The following KALRN variants were observed in gnomAD, a reference collection of about 807,000 sequenced individuals.
KALRN encodes the protein kalirin.
Under a neutral mutation model 353.7 loss-of-function variants are expected in KALRN, and 70 were observed. That is an observed-to-expected ratio of 0.20 (90% CI 0.16 to 0.24). The LOEUF is 0.24. Ranked by LOEUF, KALRN falls within the 10% of genes least tolerant of loss-of-function variation. The pLI, the probability that KALRN is intolerant of heterozygous loss-of-function variation, is 1.00. For missense variants in KALRN, 2,791 were observed against 3,756.7 expected, an observed-to-expected ratio of 0.74 and a Z score of 6.72; for synonymous variants, 1,391 against 1,434.8, an observed-to-expected ratio of 0.97 and a Z score of 0.69.
chr3:124,072,539 G>T (rs981740317), intron 1 of KALRN, among the ~76,000 whole-genome samples: 1 of 152,130 alleles, frequency 6.6e-6, no homozygotes, highest in South Asian at 2.1e-4. Flanking sequence ...TTTCCTGGAG[G>T]TAACAGTGAA....
intron 1 of KALRN, among the ~76,000 whole-genome samples, chr3:124,214,296 T>A (rs1257293415): frequency 2.0e-5 from 3 of 152,336 alleles, no homozygotes; most frequent in African/African-American, 7.2e-5. Flanking sequence ...ATTTAATGCA[T>A]ATTTAATGAA....
chr3:124,629,700 T>C (rs1381701469), intron 34 of KALRN, among the ~76,000 whole-genome samples: 1 of 152,270 alleles, frequency 6.6e-6, no homozygotes, highest in Admixed American at 6.5e-5. Flanking sequence ...CTCTGCTTAC[T>C]TGTCAGCTAA....
At chr3:124,367,066 C>T (rs1294239933) in intron 10 of KALRN, among the ~76,000 whole-genome samples, 1 of 132,236 alleles carries the variant, frequency 7.6e-6, no homozygotes, top group Non-Finnish European at 1.7e-5. Flanking sequence ...GGGGGCTGAC[C>T]CCCCCACCTC....
intron 11 of KALRN, among the ~76,000 whole-genome samples, chr3:124,386,797 C>A (rs921763396): frequency 2.6e-5 from 4 of 152,166 alleles, no homozygotes; most frequent in Admixed American, 6.5e-5. Context: ...TTATTGTAAG[C>A]ACTCAAAATA....
chr3:124,149,887 C>T (rs914963152), intron 1 of KALRN, among the ~76,000 whole-genome samples: 62 of 152,162 alleles, frequency 4.1e-4, no homozygotes, highest in Non-Finnish European at 2.5e-4. Flanking sequence ...AGCCGGGTTC[C>T]GTTTTGCTAG....
At chr3:124,242,176 G>A (rs1032268773) in intron 3 of KALRN, among the ~76,000 whole-genome samples, 7 of 152,148 alleles carry the variant, frequency 4.6e-5, no homozygotes, top group Non-Finnish European at 1.0e-4. Flanking sequence ...TGGAAGAGAA[G>A]GCTAGGCAAT....
At chr3:124,328,395 G>A (rs1355494248) in intron 7 of KALRN, among the ~76,000 whole-genome samples, 3 of 152,156 alleles carry the variant, frequency 2.0e-5, no homozygotes. Flanking sequence ...TTATCTCCTT[G>A]AGGTGATCGT....
intron 1 of KALRN, among the ~76,000 whole-genome samples, chr3:124,188,496 C>G (rs1366446852): frequency 6.6e-6 from 1 of 152,178 alleles, no homozygotes; most frequent in African/African-American, 2.4e-5. Flanking sequence ...AAATTGGTGT[C>G]TAGCACCCAG....
rs1302921874 is a variant in KALRN at position 124,671,682 on chromosome 3, T to C, written c.6726T>C (p.Tyr2242=). 1.2e-6 allele frequency: 2 copies of C among 1,613,848 alleles called. No homozygotes were observed. The highest frequency in any genetic ancestry group is 1.7e-6 in the Non-Finnish European group (2 of 1,179,908). ...CAGCACTGCAATCGCCCATTGAGTA[T>C]CAACGGAAAGAAAGGAGCACAGCTG... ...FLNALQSPIE[Y]QRKERSTAVM... Residue 2242 remains tyrosine (Y), a synonymous_variant, in exon 48 of 60, where the codon TAT becomes TAC. Coordinates refer to ENST00000682506, the MANE Select transcript of KALRN (RefSeq NM_001388419.1).
At chr3:124,258,483 C>T (rs1251723360) in intron 3 of KALRN, among the ~76,000 whole-genome samples, 1 of 152,170 alleles carries the variant, frequency 6.6e-6, no homozygotes, top group Non-Finnish European at 1.5e-5. Context: ...ATTTTTTCCT[C>T]AGGGTCATCT....
chr3:124,479,001 G>A (rs2061698879), intron 27 of KALRN, among the ~76,000 whole-genome samples: 1 of 152,122 alleles, frequency 6.6e-6, no homozygotes, highest in Admixed American at 6.5e-5. Flanking sequence ...CCTTTCCTTT[G>A]TACTTTGTAT....
intron 34 of KALRN, among the ~76,000 whole-genome samples, chr3:124,586,896 G>C (rs1185913953): frequency 6.6e-6 from 1 of 152,174 alleles, no homozygotes; most frequent in Non-Finnish European, 1.5e-5. Flanking sequence ...GCTGGGGGTC[G>C]TGTCTGAGGT....
In KALRN at chr3:124,521,343, G is replaced by A. The variant is rs544408833; in HGVS notation, c.4935+24930G>A. Among the ~76,000 whole-genome samples the A allele has an allele frequency of 1.3e-4, 20 of 152,280 alleles. No homozygotes were observed. The East Asian group carries it at 3.3e-3, about 25-fold the overall frequency. On this transcript the variant is annotated intron_variant, in intron 33 of 59. Coordinates refer to ENST00000682506, the MANE Select transcript of KALRN (RefSeq NM_001388419.1). The stretch of plus-strand genomic sequence containing the variant: ...GATATTAGTCAAGTAACACATGAGT[G>A]GATATATAAATACAACTGAAAAGGA...
At chr3:124,433,596 TAA>T (rs144487793) in intron 16 of KALRN, among the ~76,000 whole-genome samples, 12 of 95,136 alleles carry the variant, frequency 1.3e-4, no homozygotes, top group Non-Finnish European at 1.3e-4. Context: ...AGACCCTGTC[TAA>T]AAAAAAAAAA....
chr3:124,080,614 C>T (rs4678081), intron 1 of KALRN, among the ~76,000 whole-genome samples: 11 of 152,274 alleles, frequency 7.2e-5, no homozygotes, highest in Admixed American at 5.2e-4. Context: ...CTTAGCAATT[C>T]TTCGATTATT....
At chr3:124,235,617 G>A (rs971213745) in intron 3 of KALRN, among the ~76,000 whole-genome samples, 1 of 150,680 alleles carries the variant, frequency 6.6e-6, no homozygotes, top group African/African-American at 2.4e-5. Context: ...TAGGGAAAGG[G>A]GCTGACAGGG....
intron 3 of KALRN, among the ~76,000 whole-genome samples, chr3:124,256,759 C>T (rs1252652218): frequency 6.6e-6 from 1 of 152,188 alleles, no homozygotes; most frequent in East Asian, 1.9e-4. Flanking sequence ...TAACATGCAC[C>T]TAGAGAGACA....
At chr3:124,303,146 C>T (rs2077399559) in intron 6 of KALRN, among the ~76,000 whole-genome samples, 1 of 152,126 alleles carries the variant, frequency 6.6e-6, no homozygotes, top group Admixed American at 6.5e-5. Flanking sequence ...CAATTATTAA[C>T]ATACCAAGAG....
chr3:124,644,369 C>A (rs2150019067), intron 37 of KALRN, among the ~76,000 whole-genome samples: 1 of 152,078 alleles, frequency 6.6e-6, no homozygotes, highest in Non-Finnish European at 1.5e-5. Flanking sequence ...GATACATGTG[C>A]AGAGCGTGCA....
Sources: gnomAD v4.1 joint callset for allele counts (sites outside exome capture counted in the v4.1 genomes callset) on GRCh38, gnomAD v4.1.1 for gene constraint, MANE v1.5 for transcripts, NCBI Gene and HGNC (gene_info 2026-07-23, HGNC 2026-07-21) for gene names.